The following NRG2 variants were observed in gnomAD, a reference collection of about 807,000 sequenced individuals.
NRG2 encodes neuregulin 2, also known as pro-neuregulin-2, membrane-bound isoform.
NRG2 carries 27 observed loss-of-function variants against 73.9 expected under a neutral mutation model. The ratio of observed to expected loss-of-function variants is 0.37; its 90% confidence interval spans 0.27 to 0.50. NRG2 has a LOEUF of 0.50. Among genes scored for constraint, NRG2 ranks in the 20% least tolerant of loss-of-function variants. The probability of loss-of-function intolerance (pLI) is 0.96; values close to 1 mark genes in which losing one functional copy is unlikely to be tolerated. For synonymous variants in NRG2, 532 were observed against 541.0 expected (o/e 0.98, Z 0.23); for missense variants, 1,126 against 1,210.1 (o/e 0.93, Z 1.03).
intron 2 of NRG2, among the ~76,000 whole-genome samples, chr5:139,882,787 T>C (rs1763611181): frequency 6.6e-6 from 1 of 152,058 alleles, no homozygotes; most frequent in Non-Finnish European, 1.5e-5. Flanking sequence ...GCTTCCCTTA[T>C]ACAGCATCAT....
intron 1 of NRG2, among the ~76,000 whole-genome samples, chr5:139,990,174 G>T (rs1561734271): frequency 6.6e-6 from 1 of 151,976 alleles, no homozygotes; most frequent in African/African-American, 2.4e-5. Flanking sequence ...ATTTCTGTTG[G>T]ATATATATCT....
At chr5:140,034,017 G>A (rs1254579743) in intron 1 of NRG2, among the ~76,000 whole-genome samples, 1 of 151,002 alleles carries the variant, frequency 6.6e-6, no homozygotes, top group Admixed American at 6.6e-5. Flanking sequence ...GCAGTGCAGT[G>A]GCGCGATCTT....
chr5:139,903,930 C>A (rs547362937), intron 1 of NRG2, among the ~76,000 whole-genome samples: 2 of 152,234 alleles, frequency 1.3e-5, no homozygotes, highest in Admixed American at 1.3e-4. Flanking sequence ...GCTCCCGGAG[C>A]GCTCGGCGGC....
intron 1 of NRG2, among the ~76,000 whole-genome samples, chr5:139,921,225 C>G (rs964236304): frequency 7.2e-5 from 11 of 152,190 alleles, no homozygotes; most frequent in African/African-American, 2.7e-4. Flanking sequence ...CAAGTTATTA[C>G]TATTTTGTGG....
chr5:139,956,681 T>A (rs1754651658), intron 1 of NRG2, among the ~76,000 whole-genome samples: 1 of 152,170 alleles, frequency 6.6e-6, no homozygotes, highest in Non-Finnish European at 1.5e-5. Flanking sequence ...CACGTAGCCA[T>A]TAGATGGAAA....
chr5:139,864,574 C>A (rs981553754), intron 5 of NRG2, among the ~76,000 whole-genome samples: 4 of 151,904 alleles, frequency 2.6e-5, no homozygotes, highest in Non-Finnish European at 5.9e-5. Context: ...CGCCCCCTCT[C>A]CCACCATCCT....
At chr5:139,938,905 A>AAAGAAAG (rs1287359463) in intron 1 of NRG2, among the ~76,000 whole-genome samples, 25 of 75,556 alleles carry the variant, frequency 3.3e-4, no homozygotes, top group East Asian at 1.1e-3. Flanking sequence ...AGAAAGAAAG[A>AAAGAAAG]AAAGAAAGAA....
chr5:139,994,252 G>A (rs1757863695), intron 1 of NRG2, among the ~76,000 whole-genome samples: 1 of 152,204 alleles, frequency 6.6e-6, no homozygotes, highest in Non-Finnish European at 1.5e-5. Flanking sequence ...TGGCTCATAA[G>A]AAGTTTGTTC....
intron 1 of NRG2, among the ~76,000 whole-genome samples, chr5:139,971,431 C>T (rs773730601): frequency 3.2e-4 from 48 of 152,186 alleles, no homozygotes; most frequent in Non-Finnish European, 6.3e-4. Flanking sequence ...CACCATTCTT[C>T]ACCCAAACTC....
chr5:139,994,796 T>C (rs1456649262), intron 1 of NRG2, among the ~76,000 whole-genome samples: 2 of 151,438 alleles, frequency 1.3e-5, no homozygotes, highest in Admixed American at 6.6e-5. Flanking sequence ...GAAAGAAGAG[T>C]AGAATTGGGT....
chr5:139,903,998 T>A (rs1306630579), intron 1 of NRG2, among the ~76,000 whole-genome samples: 2 of 152,092 alleles, frequency 1.3e-5, no homozygotes, highest in Non-Finnish European at 2.9e-5. Context: ...CGCGGCTCCA[T>A]CCCCGCTCGC....
At chr5:139,849,556 C>T (rs551921681) in intron 9 of NRG2, among the ~76,000 whole-genome samples, 7 of 152,152 alleles carry the variant, frequency 4.6e-5, no homozygotes, top group Non-Finnish European at 7.3e-5. Flanking sequence ...TGCTCCACAT[C>T]CCCCTTGTAA....
intron 1 of NRG2, among the ~76,000 whole-genome samples, chr5:139,974,976 C>A (rs1225265339): frequency 1.3e-5 from 2 of 152,238 alleles, no homozygotes; most frequent in African/African-American, 4.8e-5. Flanking sequence ...AGGCCATGCG[C>A]CCCCTGTGTG....
chr5:140,032,285 C>A (rs1761216186), intron 1 of NRG2, among the ~76,000 whole-genome samples: 2 of 151,944 alleles, frequency 1.3e-5, no homozygotes, highest in African/African-American at 2.4e-5. Flanking sequence ...TGCCAACTAA[C>A]CAAAACACAG....
intron 3 of NRG2, among the ~76,000 whole-genome samples, chr5:139,878,763 GC>G (rs1282419690): frequency 2.6e-5 from 4 of 152,246 alleles, no homozygotes; most frequent in Non-Finnish European, 4.4e-5. Context: ...GGTGGCAGGT[GC>G]TAGACCCCAG....
At chr5:139,857,132 T>C (rs746702907) in intron 5 of NRG2, among the ~76,000 whole-genome samples, 1 of 152,210 alleles carries the variant, frequency 6.6e-6, no homozygotes, top group Non-Finnish European at 1.5e-5. Context: ...CCACTCCCCC[T>C]GGGCTTTGGA....
At chr5:139,937,849 G>A (rs189635186) in intron 1 of NRG2, among the ~76,000 whole-genome samples, 1 of 152,248 alleles carries the variant, frequency 6.6e-6, no homozygotes, top group African/African-American at 2.4e-5. Context: ...TATATTCTGT[G>A]AACACACAGA....
chr5:139,944,862 A>C (rs1050523796), intron 1 of NRG2, among the ~76,000 whole-genome samples: 1 of 152,146 alleles, frequency 6.6e-6, no homozygotes, highest in Non-Finnish European at 1.5e-5. Context: ...ACTAGTTTGC[A>C]TTTCCACCAA....
chr5:139,978,449 G>A (rs1756538432), intron 1 of NRG2, among the ~76,000 whole-genome samples: 1 of 152,128 alleles, frequency 6.6e-6, no homozygotes, highest in South Asian at 2.1e-4. Context: ...GAAACAACAG[G>A]TGCTGGAGAG....
Sources: allele counts gnomAD v4.1 joint callset (sites outside exome capture counted in the v4.1 genomes callset), GRCh38; gene constraint gnomAD v4.1.1; transcripts MANE v1.5; gene names NCBI Gene and HGNC (gene_info 2026-07-23, HGNC 2026-07-21).